ACSL4: variants seen among roughly 807,000 people sequenced by gnomAD.
ACSL4 encodes long-chain-fatty-acid--CoA ligase 4.
In ACSL4, 9 loss-of-function variants were observed where a neutral mutation model predicts 49.1. The observed-to-expected ratio is 0.18, with a 90% confidence interval of 0.11 to 0.32. The LOEUF (loss-of-function observed/expected upper bound fraction) is 0.32. Among genes scored for constraint, ACSL4 ranks in the 10% least tolerant of loss-of-function variants. The pLI is 1.00. For synonymous variants in ACSL4, 191 were observed against 170.3 expected (o/e 1.12, Z -0.95); for missense variants, 333 against 493.7 (o/e 0.67, Z 3.08).
chrX:109,701,322 T>C (rs1925911198), intron 1 of ACSL4, among the ~76,000 whole-genome samples: 1 of 107,371 alleles, frequency 9.3e-6, no homozygotes, highest in South Asian at 4.2e-4. Flanking sequence ...GTTCAAGCGA[T>C]TCTCCTGCCT....
rs980261525 is a variant in ACSL4 at position 109,681,428 on chromosome X, G to T, written c.407-53C>A. On this transcript the variant is annotated intron_variant, in intron 4 of 15. Coordinates refer to ENST00000672401, the MANE Select transcript of ACSL4 (RefSeq NM_001318510.2). ...TAAGTAATAAACATCTATTAGAAAT[G>T]GATATTATTGAAGTCAGTCTTTAAT... 5.9e-6 allele frequency: 5 copies of T among 840,890 alleles called. No homozygotes were observed. The East Asian group carries it at 1.6e-4, about 28-fold the overall frequency. The allele number at this position is 840,890 out of a possible 1,213,427, so 69.3% of individuals were successfully genotyped here. A position where few individuals can be genotyped will look rare whatever the true frequency, so the allele number is the denominator to read the frequency against.
intron 15 of ACSL4, among the ~76,000 whole-genome samples, chrX:109,649,834 AAAAC>A (rs1180902088): frequency 4.6e-5 from 5 of 107,821 alleles, no homozygotes; most frequent in Non-Finnish European, 7.7e-5. Context: ...TTACAAGAAA[AAAAC>A]AAACAACCCC....
At chrX:109,655,195 C>G (rs916069696) in intron 15 of ACSL4, among the ~76,000 whole-genome samples, 2 of 111,542 alleles carry the variant, frequency 1.8e-5, no homozygotes, top group Admixed American at 9.6e-5. Flanking sequence ...ACACTTGGGA[C>G]TCAATGACCA....
intron 6 of ACSL4, 58 bp from the exon 7 acceptor site, chrX:109,678,473 A>C (rs1923911441): frequency 1.7e-6 from 2 of 1,146,549 alleles, no homozygotes; most frequent in South Asian, 1.8e-5. Context: ...AAATTACTAA[A>C]GAATAATAGG....
At chrX:109,653,610 G>A (rs1245126641) in intron 15 of ACSL4, among the ~76,000 whole-genome samples, 22 of 110,748 alleles carry the variant, frequency 2.0e-4, no homozygotes, top group African/African-American at 6.3e-4. Flanking sequence ...ATACACCATG[G>A]AATACTATGC....
Position 109,681,304 on chromosome X carries a change from G to C in ACSL4, c.478C>G (p.Leu160Val). 1 of 1,210,921 alleles carries C rather than the reference G, an allele frequency of 8.3e-7. No homozygotes were observed. Among genetic ancestry groups the C allele is most frequent in the East Asian group, 3.0e-5 (1 of 33,849 alleles). ...TCCAGAAGTTCAACACTGGTAATCA[G>C]ATAGGAAGCCTCAGATTCATTTAGC... The part of the protein sequence containing the change: ...HGLNESEASY[L>V]ITSVELLESK... Residue 160 changes from leucine (L) to valine (V), a missense_variant, in exon 5 of 16, where the codon CTG becomes GTG. Leu to Val is a conservative substitution (Grantham distance 32). Transcript: ENST00000672401.
chrX:109,659,164 T>C (rs1921956449), intron 15 of ACSL4, among the ~76,000 whole-genome samples, 190 bp downstream of exon 15: 1 of 112,342 alleles, frequency 8.9e-6, no homozygotes, highest in African/African-American at 3.2e-5. Flanking sequence ...AATAAAGAAC[T>C]ACATAGGTTA....
chrX:109,659,181 T>C (rs1004018522), intron 15 of ACSL4, among the ~76,000 whole-genome samples, 173 bp downstream of exon 15: 1 of 112,322 alleles, frequency 8.9e-6, no homozygotes, highest in African/African-American at 3.2e-5. Flanking sequence ...GTTATTCTAC[T>C]ATATGACATT....
chrX:109,689,901 T>C (rs908971731), intron 2 of ACSL4, among the ~76,000 whole-genome samples: 38 of 112,265 alleles, frequency 3.4e-4, no homozygotes, highest in African/African-American at 1.1e-3. Context: ...CCTCCGTGTG[T>C]TGGCTTCAAT....
At chrX:109,674,573 G>A (rs140581062) in intron 8 of ACSL4, 100 bp from the exon 9 acceptor site, 16 of 595,327 alleles carry the variant, frequency 2.7e-5, no homozygotes, top group East Asian at 7.2e-5. Context: ...CTTGGAATTT[G>A]AGCTTTTATT....
chrX:109,650,915 C>T (rs1302928530), intron 15 of ACSL4, among the ~76,000 whole-genome samples: 1 of 111,797 alleles, frequency 8.9e-6, no homozygotes, highest in Non-Finnish European at 1.9e-5. Context: ...AAAATTAAGT[C>T]TCTAGACAAA....
At chrX:109,646,257 A>G (rs1934690738) in intron 15 of ACSL4, among the ~76,000 whole-genome samples, 1 of 111,753 alleles carries the variant, frequency 8.9e-6, no homozygotes, top group Non-Finnish European at 1.9e-5. Flanking sequence ...AAAAATGTTA[A>G]GGGCAGCCAG....
intron 11 of ACSL4, among the ~76,000 whole-genome samples, chrX:109,667,040 A>G (rs1018798056): frequency 8.9e-6 from 1 of 112,818 alleles, no homozygotes; most frequent in African/African-American, 3.2e-5. Context: ...GATATTTTAA[A>G]ATAAACAGAT....
chrX:109,669,191 T>C lies in ACSL4; in HGVS notation c.1003-18A>G, dbSNP rs1277788012. On this transcript the variant is annotated intron_variant, in intron 9 of 15. Coordinates refer to ENST00000672401, the MANE Select transcript of ACSL4 (RefSeq NM_001318510.2). ...ATGATTTCCTGAAAGTTAAACAAAA[T>C]ATTCAATAATCTGAAAGGAATGGAG... 5 of 1,127,658 alleles carry C rather than the reference T, an allele frequency of 4.4e-6. No individual in the cohort carries two copies. The highest frequency in any genetic ancestry group is 6.1e-6 in the Non-Finnish European group (5 of 825,714). The allele number at this position is 1,127,658 out of a possible 1,213,427, so 92.9% of individuals were successfully genotyped here. A position where few individuals can be genotyped will look rare whatever the true frequency, so the allele number is the denominator to read the frequency against.
intron 2 of ACSL4, among the ~76,000 whole-genome samples, chrX:109,693,203 CAAAT>C (rs1925174444): frequency 9.1e-6 from 1 of 110,231 alleles, no homozygotes; most frequent in Non-Finnish European, 1.9e-5. Flanking sequence ...ATAAAATGGC[CAAAT>C]AAATGACTAT....
chrX:109,687,765 A>G (rs1924728302), intron 2 of ACSL4, among the ~76,000 whole-genome samples: 1 of 112,032 alleles, frequency 8.9e-6, no homozygotes, highest in Admixed American at 9.5e-5. Flanking sequence ...TCATCTGTAA[A>G]ACAGGAATAC....
intron 15 of ACSL4, among the ~76,000 whole-genome samples, chrX:109,654,384 T>G (rs1191063800): frequency 9.0e-6 from 1 of 111,692 alleles, no homozygotes; most frequent in Non-Finnish European, 1.9e-5. Flanking sequence ...AAAATGATAT[T>G]TTTATTTGTA....
chrX:109,683,640 T>A (rs1046044595), intron 2 of ACSL4: 31 of 451,945 alleles, frequency 6.9e-5, no homozygotes, highest in Middle Eastern at 6.0e-4. Flanking sequence ...AAGTTAGTAA[T>A]CTTTGGAAGC....
chrX:109,724,275 GTTT>G (rs756112621), intron 1 of ACSL4, among the ~76,000 whole-genome samples: 4 of 110,301 alleles, frequency 3.6e-5, no homozygotes, highest in Non-Finnish European at 5.7e-5. Context: ...GGGCTTTTTT[GTTT>G]TTTTGTTTGT....
Sources: allele counts gnomAD v4.1 joint callset (sites outside exome capture counted in the v4.1 genomes callset), GRCh38; gene constraint gnomAD v4.1.1; transcripts MANE v1.5; gene names NCBI Gene and HGNC (gene_info 2026-07-23, HGNC 2026-07-21).